Variants in ANKS1B observed in about 807,000 individuals in gnomAD.
ANKS1B encodes the protein ankyrin repeat and sterile alpha motif domain containing 1B.
ANKS1B carries 36 observed loss-of-function variants against 148.3 expected under a neutral mutation model. The observed-to-expected ratio is 0.24, with a 90% CI of 0.19 to 0.32. The LOEUF (loss-of-function observed/expected upper bound fraction) is 0.32. Ranked by LOEUF, ANKS1B falls within the 10% of genes least tolerant of loss-of-function variation. The pLI, the probability that ANKS1B is intolerant of heterozygous loss-of-function variation, is 1.00. For missense variants in ANKS1B, 1,157 were observed against 1,542.6 expected, an observed-to-expected ratio of 0.75 and a Z score of 4.19; for synonymous variants, 542 against 560.8, an observed-to-expected ratio of 0.97 and a Z score of 0.47.
rs764836773 is a variant in ANKS1B at position 99,374,820 on chromosome 12, ATT to A, written c.1756+24809_1756+24810del. ...TTGTTGTTTATGGGTTTCAATGTGA[ATT>A]TGTTTACTTATTTATTTTATTTTTT... On this transcript the variant is annotated intron_variant, in intron 12 of 26. Transcript: ENST00000683438. 2.6e-5 allele frequency among the ~76,000 whole-genome samples: 4 copies of A among 152,274 alleles called. No individual in the cohort carries two copies. In the East Asian group the frequency reaches 7.7e-4, roughly 29 times the overall value.
rs138896916 is a variant in ANKS1B at position 99,147,524 on chromosome 12, G to A, written c.2526+6765C>T. On this transcript the variant is annotated intron_variant, in intron 15 of 26. Coordinates refer to ENST00000683438, the MANE Select transcript of ANKS1B (RefSeq NM_001352186.2). ...GAGAACCTTTGAAGGATTTTAAGCA[G>A]AGTAGTGCTAAAGCAAATGTGTGCT... Among the ~76,000 whole-genome samples, 499 of 152,276 alleles carry A rather than the reference G, an allele frequency of 3.3e-3. 13 individuals are homozygous for A. In the South Asian group the frequency reaches 0.052, roughly 16 times the overall value.
rs977647075 is a variant in ANKS1B at position 99,215,456 on chromosome 12, G to A, written c.2419+28886C>T. 5.3e-5 allele frequency among the ~76,000 whole-genome samples: 8 copies of A among 152,122 alleles called. 1 individual carries two copies. Among genetic ancestry groups the A allele is most frequent in the Non-Finnish European group, 7.4e-5 (5 of 68,012 alleles). ...GGTAGAGCCACTGACAGCTTGTACC[G>A]TGTGTCTGGAAAACCCACAGACATT... On this transcript the variant is annotated intron_variant, in intron 14 of 26. Transcript: ENST00000683438.
chr12:98,788,072 T>C (rs1233001344), intron 22 of ANKS1B, among the ~76,000 whole-genome samples: 4 of 151,724 alleles, frequency 2.6e-5, no homozygotes, highest in Non-Finnish European at 4.4e-5. Context: ...CAAATGTGAT[T>C]AGAGGGTTAC....
intron 4 of ANKS1B, among the ~76,000 whole-genome samples, chr12:99,784,166 T>C (rs1357704004): frequency 7.0e-6 from 1 of 141,908 alleles, no homozygotes; most frequent in Non-Finnish European, 1.5e-5. Context: ...ATACTGAACT[T>C]TCTTTTTTTT....
chr12:99,212,730 C>A (rs1433357784), intron 14 of ANKS1B, among the ~76,000 whole-genome samples: 2 of 152,142 alleles, frequency 1.3e-5, no homozygotes, highest in African/African-American at 2.4e-5. Context: ...GAAATGAGGG[C>A]TCTGGGGTCT....
intron 14 of ANKS1B, among the ~76,000 whole-genome samples, chr12:99,165,231 A>C (rs534966374): frequency 1.7e-3 from 261 of 152,110 alleles, no homozygotes; most frequent in Middle Eastern, 0.01. Context: ...AATGAAAGTA[A>C]GAAGAAAGAT....
At chr12:99,434,873 C>A (rs181808108) in intron 11 of ANKS1B, among the ~76,000 whole-genome samples, 110 of 151,924 alleles carry the variant, frequency 7.2e-4, no homozygotes, top group African/African-American at 2.6e-3. Context: ...GGGAGAAAAA[C>A]CCCTGAATAA....
At chr12:99,579,187 C>A (rs1264547565) in intron 9 of ANKS1B, among the ~76,000 whole-genome samples, 1 of 152,090 alleles carries the variant, frequency 6.6e-6, no homozygotes, top group Non-Finnish European at 1.5e-5. Context: ...TCACTATATA[C>A]AAAAGTCAAC....
intron 1 of ANKS1B, among the ~76,000 whole-genome samples, chr12:99,950,740 A>C (rs1275483385): frequency 6.6e-6 from 1 of 151,928 alleles, no homozygotes; most frequent in East Asian, 1.9e-4. Flanking sequence ...ACCCCCCCCA[A>C]TAACCCTCCA....
chr12:99,418,000 G>A (rs2094960944), intron 11 of ANKS1B, among the ~76,000 whole-genome samples: 3 of 152,186 alleles, frequency 2.0e-5, no homozygotes, highest in Admixed American at 2.0e-4. Flanking sequence ...CTTCAGAAAT[G>A]AGAGAGAAAT....
Position 99,511,697 on chromosome 12 carries a change from C to G in ANKS1B, c.1273-7056G>C, listed in dbSNP as rs576517516. ...CTATAGTAATGAAAAAAGCATGGAA[C>G]TGGTGACAAAAACAGACACATAGAC... is the stretch of plus-strand genomic sequence containing the variant. On this transcript the variant is annotated intron_variant, in intron 9 of 26. Coordinates refer to ENST00000683438, the MANE Select transcript of ANKS1B (RefSeq NM_001352186.2). 3.9e-5 allele frequency among the ~76,000 whole-genome samples: 6 copies of G among 152,056 alleles called. No homozygotes were observed. The East Asian group carries it at 1.2e-3, about 29-fold the overall frequency.
chr12:99,374,852 T>A (rs902272964), intron 12 of ANKS1B, among the ~76,000 whole-genome samples: 2 of 152,216 alleles, frequency 1.3e-5, no homozygotes, highest in African/African-American at 4.8e-5. Context: ...TTTTTTTACC[T>A]AAGATCCAGG....
intron 11 of ANKS1B, among the ~76,000 whole-genome samples, chr12:99,432,072 C>T (rs1285371715): frequency 6.6e-6 from 1 of 152,164 alleles, no homozygotes; most frequent in African/African-American, 2.4e-5. Flanking sequence ...GGAGTTTTGC[C>T]TCTTCACATG....
At chr12:99,751,635 G>A (rs915340266) in intron 8 of ANKS1B, among the ~76,000 whole-genome samples, 1 of 151,924 alleles carries the variant, frequency 6.6e-6, no homozygotes, top group Non-Finnish European at 1.5e-5. Context: ...TTGCATATTG[G>A]TATTATGTGG....
chr12:99,564,427 AT>A (rs1207841125), intron 9 of ANKS1B, among the ~76,000 whole-genome samples: 1 of 151,934 alleles, frequency 6.6e-6, no homozygotes, highest in Admixed American at 6.6e-5. Flanking sequence ...AAATTATCCC[AT>A]TTTTTATAAA....
At chr12:99,026,817 C>T (rs2099949019) in intron 17 of ANKS1B, among the ~76,000 whole-genome samples, 1 of 152,102 alleles carries the variant, frequency 6.6e-6, no homozygotes, top group African/African-American at 2.4e-5. Context: ...CAAAACAGAT[C>T]AATTAGAGGG....
intron 10 of ANKS1B, among the ~76,000 whole-genome samples, chr12:99,494,323 G>A (rs548087224): frequency 6.6e-6 from 1 of 152,298 alleles, no homozygotes; most frequent in Non-Finnish European, 1.5e-5. Context: ...GGAATAAAGA[G>A]AGAACACTAG....
At chr12:99,160,863 T>C (rs1405577236) in intron 14 of ANKS1B, among the ~76,000 whole-genome samples, 4 of 152,324 alleles carry the variant, frequency 2.6e-5, no homozygotes, top group African/African-American at 7.2e-5. Flanking sequence ...TGCGGCTTTA[T>C]ATCTGGGTCC....
At chr12:99,391,974 T>C (rs934794824) in intron 12 of ANKS1B, among the ~76,000 whole-genome samples, 3 of 152,256 alleles carry the variant, frequency 2.0e-5, no homozygotes, top group Admixed American at 6.5e-5. Flanking sequence ...TCCTGGTCTA[T>C]TGAAAGTACT....
Sources: gnomAD v4.1 joint callset for allele counts (sites outside exome capture counted in the v4.1 genomes callset) on GRCh38, gnomAD v4.1.1 for gene constraint, MANE v1.5 for transcripts, NCBI Gene and HGNC (gene_info 2026-07-23, HGNC 2026-07-21) for gene names.